PTPRR: variants seen among roughly 807,000 people sequenced by gnomAD.
The protein encoded by PTPRR is protein tyrosine phosphatase receptor type R, also known as receptor-type tyrosine-protein phosphatase R.
In PTPRR, 38 loss-of-function variants were observed where a neutral mutation model predicts 77.2. The ratio of observed to expected loss-of-function variants is 0.49; its 90% CI spans 0.38 to 0.65. The LOEUF (loss-of-function observed/expected upper bound fraction) is 0.65. Ranked by LOEUF, PTPRR falls within the 30% of genes least tolerant of loss-of-function variation. PTPRR has a pLI of 0.00. For missense variants in PTPRR, 744 were observed against 799.2 expected (o/e 0.93, Z 0.83); for synonymous variants, 299 against 283.1 (o/e 1.06, Z -0.57).
chr12:70,839,123 C>G (rs1015036772), intron 2 of PTPRR, among the ~76,000 whole-genome samples: 3 of 152,078 alleles, frequency 2.0e-5, no homozygotes, highest in Admixed American at 6.6e-5. Context: ...GATGCTGAAC[C>G]ATGTGGAAAA....
intron 2 of PTPRR, among the ~76,000 whole-genome samples, chr12:70,800,234 CT>C (rs1308742963): frequency 3.3e-5 from 5 of 151,988 alleles, no homozygotes; most frequent in Non-Finnish European, 7.4e-5. Flanking sequence ...CCTTTCCCCC[CT>C]ACCCACTGCA....
chr12:70,834,893 T>C (rs1892275176), intron 2 of PTPRR, among the ~76,000 whole-genome samples: 1 of 152,228 alleles, frequency 6.6e-6, no homozygotes. Context: ...AAAGTTACAT[T>C]AGAGTCAAAC....
chr12:70,656,903 G>A, intron 12 of PTPRR, 86 bp from the exon 13 acceptor site: 1 of 862,330 alleles, frequency 1.2e-6, no homozygotes, highest in Non-Finnish European at 1.8e-6. Flanking sequence ...TTTTAAATCT[G>A]AAACCACAGT....
chr12:70,885,777 C>A (rs2137109952), intron 2 of PTPRR, among the ~76,000 whole-genome samples: 1 of 152,258 alleles, frequency 6.6e-6, no homozygotes, highest in South Asian at 2.1e-4. Context: ...CGTGATCCAC[C>A]AGCCTTGGCC....
intron 10 of PTPRR, among the ~76,000 whole-genome samples, chr12:70,669,171 C>G (rs1887119143): frequency 6.6e-6 from 1 of 152,158 alleles, no homozygotes; most frequent in Non-Finnish European, 1.5e-5. Flanking sequence ...TGTACCTTCT[C>G]ATGACATCTG....
chr12:70,889,791 TTCTTCTCCTCCA>T (rs987850374), intron 2 of PTPRR, among the ~76,000 whole-genome samples: 5 of 152,164 alleles, frequency 3.3e-5, no homozygotes, highest in Admixed American at 2.6e-4. Context: ...TTCTTCCTGT[TTCTTCTCCTCCA>T]TCTTCTCCTT....
At chr12:70,764,859 A>G (rs553395435) in intron 2 of PTPRR, 81 bp from the exon 3 acceptor site, 1 of 1,046,420 alleles carries the variant, frequency 9.6e-7, no homozygotes, top group African/African-American at 1.6e-5. Flanking sequence ...ATAAGTATTA[A>G]TAAGTTCACG....
chr12:70,695,237 A>G (rs1391477447), intron 8 of PTPRR, among the ~76,000 whole-genome samples: 2 of 152,200 alleles, frequency 1.3e-5, no homozygotes, highest in Non-Finnish European at 2.9e-5. Context: ...TTAAAACTAA[A>G]AACAATCATA....
intron 2 of PTPRR, among the ~76,000 whole-genome samples, chr12:70,842,696 G>T (rs142837953): frequency 1.4e-4 from 22 of 152,234 alleles, no homozygotes; most frequent in Non-Finnish European, 2.9e-4. Context: ...ACTTGTCATT[G>T]GATTGAGAGC....
intron 10 of PTPRR, chr12:70,664,621 T>C (rs1401637828): frequency 2.6e-5 from 4 of 152,186 alleles, no homozygotes; most frequent in Non-Finnish European, 4.4e-5. Flanking sequence ...ACCCTGACTC[T>C]TAATACTTGC....
chr12:70,760,245 T>C lies in PTPRR; in HGVS notation c.627+1226A>G, dbSNP rs140885629. 3.9e-5 allele frequency among the ~76,000 whole-genome samples: 6 copies of C among 152,168 alleles called. No homozygotes were observed. The East Asian group carries it at 1.2e-3, about 29-fold the overall frequency. On this transcript the variant is annotated intron_variant, in intron 4 of 13. Coordinates refer to ENST00000283228, the MANE Select transcript of PTPRR (RefSeq NM_002849.4). Reference sequence around the variant, plus strand: ...TTGAAGAAACTAAGGCTCAGGGAGGTTGATACCATGCAAAGGCAGACAACC... The same window carrying C: ...TTGAAGAAACTAAGGCTCAGGGAGGCTGATACCATGCAAAGGCAGACAACC...
intron 2 of PTPRR, among the ~76,000 whole-genome samples, chr12:70,873,942 C>T (rs1323558829): frequency 6.6e-6 from 1 of 152,084 alleles, no homozygotes; most frequent in African/African-American, 2.4e-5. Context: ...GATAGCCACT[C>T]TATTCTAAGC....
intron 4 of PTPRR, 137 bp downstream of exon 4, chr12:70,761,333 AT>A: frequency 1.3e-6 from 1 of 761,624 alleles, no homozygotes; most frequent in Non-Finnish European, 2.0e-6. Context: ...AGATCAGAGA[AT>A]TCTGACACTC....
intron 2 of PTPRR, among the ~76,000 whole-genome samples, chr12:70,814,994 A>T (rs1256464614): frequency 2.0e-5 from 3 of 150,904 alleles, no homozygotes; most frequent in Middle Eastern, 3.4e-3. Flanking sequence ...AGAAAATAAT[A>T]AAAAAAATAG....
At chr12:70,788,756 C>T (rs1041168671) in intron 2 of PTPRR, 1 of 1,118,684 alleles carries the variant, frequency 8.9e-7, no homozygotes, top group East Asian at 2.6e-5. Context: ...TAATATTTAC[C>T]CTCCTAAGCT....
At position 70,920,503 on chromosome 12, in the gene PTPRR, C is replaced by A; in HGVS notation, c.-113G>T. 9.6e-7 allele frequency: 1 copy of A among 1,042,066 alleles called. No individual in the cohort carries two copies. The highest frequency in any genetic ancestry group is 1.4e-6 in the Non-Finnish European group (1 of 701,134). 64.6% of individuals were successfully genotyped at this position (1,042,066 alleles called of 1,614,324 possible). The stretch of plus-strand genomic sequence containing the variant: ...TTCTAGTCTCCGGGATTCAGGTCCT[C>A]GGCTGGGGTTTGCAGAGCAGTCAGT... On this transcript the variant is annotated 5_prime_UTR_variant, in exon 1 of 14. Transcript: ENST00000283228.
chr12:70,840,622 G>A (rs1335815968), intron 2 of PTPRR, among the ~76,000 whole-genome samples: 1 of 152,120 alleles, frequency 6.6e-6, no homozygotes, highest in East Asian at 1.9e-4. Flanking sequence ...ACAGGGCAGA[G>A]GTTTAAGAGA....
intron 2 of PTPRR, among the ~76,000 whole-genome samples, chr12:70,785,787 T>A (rs979895571): frequency 1.3e-5 from 2 of 152,204 alleles, no homozygotes; most frequent in African/African-American, 4.8e-5. Context: ...AATCACGATT[T>A]AACCACAAAT....
At chr12:70,907,921 A>G (rs1893645887) in intron 1 of PTPRR, among the ~76,000 whole-genome samples, 1 of 152,230 alleles carries the variant, frequency 6.6e-6, no homozygotes, top group Non-Finnish European at 1.5e-5. Context: ...ATATGGCTAG[A>G]AAGCTAAGAC....
Sources: gnomAD v4.1 joint callset for allele counts (sites outside exome capture counted in the v4.1 genomes callset) on GRCh38, gnomAD v4.1.1 for gene constraint, MANE v1.5 for transcripts, NCBI Gene and HGNC (gene_info 2026-07-23, HGNC 2026-07-21) for gene names.